ANKS1B: variants seen among roughly 807,000 people sequenced by gnomAD.
ANKS1B encodes the protein ankyrin repeat and sterile alpha motif domain-containing protein 1B.
ANKS1B carries 36 observed loss-of-function variants against 148.3 expected under a neutral mutation model. That is an observed-to-expected ratio of 0.24 (90% CI 0.19 to 0.32). The LOEUF (loss-of-function observed/expected upper bound fraction) is 0.32, where lower values mean the gene tolerates loss of function less well. Among genes scored for constraint, ANKS1B ranks in the 10% least tolerant of loss-of-function variants. The probability of loss-of-function intolerance (pLI) is 1.00; values close to 1 mark genes in which losing one functional copy is unlikely to be tolerated. For synonymous variants in ANKS1B, 542 were observed against 560.8 expected (o/e 0.97, Z 0.47); for missense variants, 1,157 against 1,542.6 (o/e 0.75, Z 4.19).
At chr12:99,772,281 T>G (rs1295366573) in intron 8 of ANKS1B, among the ~76,000 whole-genome samples, 1 of 152,114 alleles carries the variant, frequency 6.6e-6, no homozygotes, top group Non-Finnish European at 1.5e-5. Context: ...TCCTAATAAA[T>G]AGAAATACTT....
In ANKS1B at chr12:99,984,544, G is replaced by C; in HGVS notation, c.-307C>G. 6.8e-6 allele frequency: 2 copies of C among 295,804 alleles called. No individual in the cohort carries two copies. The highest frequency in any genetic ancestry group is 1.2e-4 in the East Asian group (2 of 16,584). 18.3% of individuals were successfully genotyped at this position (295,804 alleles called of 1,614,324 possible). ...CTCGTTCCCGCGGGTGCGGCGTGAG[G>C]GGGTGGGGACTCGGGGGTGCTTTTG... On this transcript the variant is annotated 5_prime_UTR_variant, in exon 1 of 27. Coordinates refer to ENST00000683438, the MANE Select transcript of ANKS1B (RefSeq NM_001352186.2).
chr12:98,905,063 C>G (rs2099777070), intron 17 of ANKS1B, among the ~76,000 whole-genome samples: 1 of 152,136 alleles, frequency 6.6e-6, no homozygotes, highest in Non-Finnish European at 1.5e-5. Flanking sequence ...GACATGGTAT[C>G]TGGATTAACA....
At chr12:99,884,082 C>T (rs909378058) in intron 1 of ANKS1B, among the ~76,000 whole-genome samples, 3 of 151,788 alleles carry the variant, frequency 2.0e-5, no homozygotes, top group Non-Finnish European at 2.9e-5. Context: ...AAAGTAATTG[C>T]GGTTTTTGTG....
chr12:98,914,555 C>T (rs1299036023), intron 17 of ANKS1B, among the ~76,000 whole-genome samples: 1 of 152,078 alleles, frequency 6.6e-6, no homozygotes, highest in African/African-American at 2.4e-5. Flanking sequence ...ACCTTCCTTC[C>T]TTATTCCTAT....
chr12:99,824,385 A>G (rs1474861821), intron 2 of ANKS1B, among the ~76,000 whole-genome samples: 1 of 152,136 alleles, frequency 6.6e-6, no homozygotes, highest in Non-Finnish European at 1.5e-5. Context: ...CTGTAATCCT[A>G]GCTACTCAGG....
At chr12:99,360,505 C>T (rs2092381428) in intron 12 of ANKS1B, among the ~76,000 whole-genome samples, 1 of 152,066 alleles carries the variant, frequency 6.6e-6, no homozygotes, top group Non-Finnish European at 1.5e-5. Flanking sequence ...AAGTATATTC[C>T]CTGACCACTG....
intron 8 of ANKS1B, among the ~76,000 whole-genome samples, chr12:99,732,679 A>G (rs2059276753): frequency 6.6e-6 from 1 of 152,308 alleles, no homozygotes. Context: ...TTACATTACT[A>G]TACATTTTTC....
chr12:99,391,004 A>T (rs2152547538), intron 12 of ANKS1B, among the ~76,000 whole-genome samples: 1 of 152,320 alleles, frequency 6.6e-6, no homozygotes, highest in South Asian at 2.1e-4. Flanking sequence ...TAAATATGCC[A>T]CCTGCAGGCC....
At chr12:99,203,516 T>A (rs1005844669) in intron 14 of ANKS1B, among the ~76,000 whole-genome samples, 3 of 151,764 alleles carry the variant, frequency 2.0e-5, no homozygotes, top group African/African-American at 7.3e-5. Flanking sequence ...AGTGGTGTGA[T>A]CTTGGCTCAC....
At chr12:99,719,509 T>G (rs776835115) in intron 8 of ANKS1B, among the ~76,000 whole-genome samples, 1 of 152,142 alleles carries the variant, frequency 6.6e-6, no homozygotes, top group East Asian at 1.9e-4. Flanking sequence ...TAATCGCCAC[T>G]CACCAGCAAA....
chr12:99,837,347 C>T (rs946251471), intron 1 of ANKS1B, among the ~76,000 whole-genome samples: 1 of 152,128 alleles, frequency 6.6e-6, no homozygotes, highest in East Asian at 1.9e-4. Flanking sequence ...TAAGCCACTA[C>T]ATTTGTGGTA....
intron 9 of ANKS1B, among the ~76,000 whole-genome samples, chr12:99,543,588 G>A (rs2097146846): frequency 6.6e-6 from 1 of 152,040 alleles, no homozygotes; most frequent in African/African-American, 2.4e-5. Flanking sequence ...CCTACCAATT[G>A]ATGAATGGAG....
At chr12:99,745,464 A>C (rs1007628926) in intron 8 of ANKS1B, among the ~76,000 whole-genome samples, 2 of 152,204 alleles carry the variant, frequency 1.3e-5, no homozygotes, top group Non-Finnish European at 2.9e-5. Flanking sequence ...GAAGAGCAAA[A>C]TATGGTGGTT....
intron 9 of ANKS1B, among the ~76,000 whole-genome samples, chr12:99,642,991 T>C (rs975623536): frequency 1.3e-5 from 2 of 150,946 alleles, no homozygotes; most frequent in South Asian, 2.1e-4. Flanking sequence ...TGGGCACACA[T>C]TGATAATCCA....
At chr12:99,675,133 A>G (rs181535258) in intron 8 of ANKS1B, among the ~76,000 whole-genome samples, 23 of 152,134 alleles carry the variant, frequency 1.5e-4, no homozygotes, top group Admixed American at 1.4e-3. Flanking sequence ...GGGAATGTAA[A>G]TTAACAAAAA....
intron 12 of ANKS1B, among the ~76,000 whole-genome samples, chr12:99,396,086 C>T (rs945475460): frequency 6.6e-6 from 1 of 151,970 alleles, no homozygotes; most frequent in Non-Finnish European, 1.5e-5. Context: ...TAATATTAAG[C>T]AATAACTGTG....
intron 17 of ANKS1B, among the ~76,000 whole-genome samples, chr12:98,918,440 A>C (rs545999198): frequency 6.6e-6 from 1 of 152,372 alleles, no homozygotes; most frequent in African/African-American, 2.4e-5. Flanking sequence ...GCAGGAAATG[A>C]ATAGAAGCAG....
intron 15 of ANKS1B, among the ~76,000 whole-genome samples, chr12:99,139,348 TC>T (rs2069352817): frequency 0.011 from 1 of 90 alleles, no homozygotes; most frequent in African/African-American, 0.056. Flanking sequence ...CTACCTTCCC[TC>T]CCTCCCTCCC....
chr12:99,547,037 G>T (rs546392914), intron 9 of ANKS1B, among the ~76,000 whole-genome samples: 2 of 152,154 alleles, frequency 1.3e-5, no homozygotes, highest in African/African-American at 4.8e-5. Context: ...GGTGGACTCT[G>T]GGGGGAAATC....
Sources: gnomAD v4.1 joint callset for allele counts (sites outside exome capture counted in the v4.1 genomes callset) on GRCh38, gnomAD v4.1.1 for gene constraint, MANE v1.5 for transcripts, NCBI Gene and HGNC (gene_info 2026-07-23, HGNC 2026-07-21) for gene names.